Variants in DDC observed in about 807,000 individuals in gnomAD.
DDC encodes the protein aromatic-L-amino-acid decarboxylase.
Under a neutral mutation model 60.0 loss-of-function variants are expected in DDC, and 43 were observed. That is an observed-to-expected ratio of 0.72 (90% CI 0.56 to 0.92). DDC has a LOEUF of 0.92. Ranked by LOEUF, DDC falls within the 40% of genes least tolerant of loss-of-function variation. The pLI, the probability that DDC is intolerant of heterozygous loss-of-function variation, is 0.00. For missense variants in DDC, 573 were observed against 620.2 expected, an observed-to-expected ratio of 0.92 and a Z score of 0.81; for synonymous variants, 232 against 234.6, an observed-to-expected ratio of 0.99 and a Z score of 0.10.
chr7:50,512,020 A>G (rs1304010139), intron 6 of DDC, among the ~76,000 whole-genome samples: 1 of 152,044 alleles, frequency 6.6e-6, no homozygotes, highest in Non-Finnish European at 1.5e-5. Flanking sequence ...ACAAAACCAA[A>G]CACCACCTAT....
chr7:50,492,779 A>C lies in DDC; in HGVS notation c.944+2571T>G, dbSNP rs73351272. The C allele has an allele frequency of 4.0e-3, 5,753 of 1,452,152 alleles. 211 individuals are homozygous for C. In the African/African-American group the frequency reaches 0.075, roughly 19 times the overall value. The allele number at this position is 1,452,152 out of a possible 1,614,324, so 90.0% of individuals were successfully genotyped here. ...CCTCCACTTTGTCAAATTTCCCCTC[A>C]CAGGCTGGTGGCTGAACTGAACCCC... On this transcript the variant is annotated intron_variant, in intron 9 of 14. Transcript: ENST00000444124.
At chr7:50,490,645 T>C (rs965057373) in intron 9 of DDC, among the ~76,000 whole-genome samples, 5 of 152,078 alleles carry the variant, frequency 3.3e-5, no homozygotes, top group Non-Finnish European at 7.4e-5. Context: ...GCCGAGATCA[T>C]GCCACTGCAC....
chr7:50,530,679 G>A (rs1456620316), intron 4 of DDC, among the ~76,000 whole-genome samples: 1 of 151,996 alleles, frequency 6.6e-6, no homozygotes, highest in East Asian at 1.9e-4. Flanking sequence ...AGGGTGCCAT[G>A]GGCCTAGAAA....
chr7:50,507,618 G>A (rs78073499), intron 6 of DDC, among the ~76,000 whole-genome samples: 14,546 of 152,194 alleles, frequency 0.096, 1,077 homozygotes, highest in South Asian at 0.13. Context: ...AGAGTATCTA[G>A]AGTGATGTTC....
intron 1 of DDC, among the ~76,000 whole-genome samples, chr7:50,551,359 T>C (rs953835141): frequency 2.0e-5 from 3 of 151,688 alleles, no homozygotes; most frequent in Non-Finnish European, 4.4e-5. Context: ...ACCTCCTGAG[T>C]AGGTGGGATT....
rs181313389 is a variant in DDC at position 50,563,749 on chromosome 7, A to C, written c.-29+1536T>G. On this transcript the variant is annotated intron_variant, in intron 1 of 14. Transcript: ENST00000444124. ...CGTAAGTAGCTGGGACTACAGGTGCATGCCACCACACCTGGCTAATTTTTG... is the reference window on the plus strand; with the variant it reads ...CGTAAGTAGCTGGGACTACAGGTGCCTGCCACCACACCTGGCTAATTTTTG... Among the ~76,000 whole-genome samples, 812 of 152,180 alleles carry C rather than the reference A, an allele frequency of 5.3e-3. 7 individuals are homozygous for C. Among genetic ancestry groups the C allele is most frequent in the African/African-American group, 0.016 (653 of 41,540 alleles).
At chr7:50,540,057 G>A (rs1166515464) in intron 2 of DDC, 29 bp from the exon 3 acceptor site, 2 of 1,572,726 alleles carry the variant, frequency 1.3e-6, no homozygotes, top group Non-Finnish European at 1.7e-6. Flanking sequence ...CAGCTGCTGA[G>A]GAGTGAGGAA....
chr7:50,479,666 T>A, intron 10 of DDC, 121 bp downstream of exon 10: 1 of 903,826 alleles, frequency 1.1e-6, no homozygotes, highest in Non-Finnish European at 1.9e-6. Context: ...CAGCACCCCG[T>A]CTTCTCTGTG....
At chr7:50,510,266 C>T (rs1386230888) in intron 6 of DDC, among the ~76,000 whole-genome samples, 1 of 152,080 alleles carries the variant, frequency 6.6e-6, no homozygotes, top group African/African-American at 2.4e-5. Context: ...TGAGCCACCG[C>T]ACCTGGCCAC....
At chr7:50,562,433 C>T (rs1189600608) in intron 1 of DDC, among the ~76,000 whole-genome samples, 1 of 152,194 alleles carries the variant, frequency 6.6e-6, no homozygotes, top group African/African-American at 2.4e-5. Context: ...GTGGCTCATC[C>T]CCCCAAACAC....
intron 6 of DDC, among the ~76,000 whole-genome samples, chr7:50,511,464 G>C (rs4377913): frequency 0.29 from 44,380 of 152,070 alleles, 8,010 homozygotes; most frequent in Non-Finnish European, 0.41. Context: ...TCAGGATTTC[G>C]AGACTAGCCT....
In DDC at chr7:50,484,144, A is replaced by G. The variant is rs192977958; in HGVS notation, c.945-4281T>C. Among the ~76,000 whole-genome samples the G allele has an allele frequency of 4.5e-3, 689 of 152,068 alleles. 5 individuals carry two copies. Among genetic ancestry groups the G allele is most frequent in the Non-Finnish European group, 4.2e-3 (283 of 67,968 alleles). ...GAAGTATCTGTAATTGTGCCATTGT[A>G]TTTTCTACTACAAGTTAATCTGTGT... On this transcript the variant is annotated intron_variant, in intron 9 of 14. Coordinates refer to ENST00000444124, the MANE Select transcript of DDC (RefSeq NM_001082971.2).
In DDC at chr7:50,495,279, C is replaced by T. The variant is rs931989294; in HGVS notation, c.944+71G>A. ...GACTATTGCACCCCTTTGGCTCTGG[C>T]ATCTTCCCTGCCAGCTTCTTTCACT... is the stretch of plus-strand genomic sequence containing the variant. On this transcript the variant is annotated intron_variant, in intron 9 of 14. Transcript: ENST00000444124. 2.1e-4 allele frequency: 254 copies of T among 1,181,554 alleles called. 1 individual carries two copies. The Admixed American group carries it at 3.7e-3, about 17-fold the overall frequency. 73.2% of individuals were successfully genotyped at this position (1,181,554 alleles called of 1,614,324 possible).
chr7:50,538,752 T>G (rs1378588526), intron 3 of DDC, among the ~76,000 whole-genome samples: 1 of 152,230 alleles, frequency 6.6e-6, no homozygotes, highest in East Asian at 1.9e-4. Context: ...CAGATAGAGA[T>G]GGATGCCAAG....
At chr7:50,541,967 T>C (rs2044647272) in intron 2 of DDC, among the ~76,000 whole-genome samples, 1 of 150,372 alleles carries the variant, frequency 6.7e-6, no homozygotes, top group Admixed American at 6.6e-5. Context: ...GCTTGGGGAG[T>C]GGTGGAGAGA....
chr7:50,488,683 C>T (rs1324562464), intron 9 of DDC, among the ~76,000 whole-genome samples: 4 of 151,968 alleles, frequency 2.6e-5, no homozygotes, highest in Non-Finnish European at 5.9e-5. Context: ...TTATAATAGT[C>T]TTTCTAGAAA....
intron 14 of DDC, among the ~76,000 whole-genome samples, chr7:50,459,901 C>T (rs1345373941): frequency 2.9e-5 from 4 of 140,118 alleles, no homozygotes; most frequent in African/African-American, 8.6e-5. Context: ...GCCCCCCGCC[C>T]GGCCAGCCGC....
chr7:50,490,027 A>C (rs957957910), intron 9 of DDC, among the ~76,000 whole-genome samples: 3 of 152,206 alleles, frequency 2.0e-5, no homozygotes, highest in African/African-American at 7.2e-5. Context: ...AAAGGTTGTG[A>C]AATCTTTGAG....
rs1425285804 is a variant in DDC at position 50,521,580 on chromosome 7, A to C, written c.714+6557T>G. On this transcript the variant is annotated intron_variant, in intron 6 of 14. Transcript: ENST00000444124. ...TATATATCAGAACCAAGTGAGATCT[A>C]TTCCAGGATGGAAGGCTGATTCAAC... Among the ~76,000 whole-genome samples the C allele has an allele frequency of 2.0e-5, 3 of 152,230 alleles. No individual in the cohort carries two copies. In the East Asian group the frequency reaches 5.8e-4, roughly 29 times the overall value.
Sources: allele counts gnomAD v4.1 joint callset (sites outside exome capture counted in the v4.1 genomes callset), GRCh38; gene constraint gnomAD v4.1.1; transcripts MANE v1.5; gene names NCBI Gene and HGNC (gene_info 2026-07-23, HGNC 2026-07-21).